The following FARP1 variants were observed in gnomAD, a reference collection of about 807,000 sequenced individuals.
FARP1 encodes the protein FERM, ARHGEF and pleckstrin domain-containing protein 1.
A neutral mutation model predicts 128.8 loss-of-function variants in FARP1; 52 were observed. The observed-to-expected ratio is 0.40, with a 90% CI of 0.32 to 0.51. The LOEUF is 0.51. FARP1 is among the 20% of genes least tolerant of loss of function. The pLI, the probability that FARP1 is intolerant of heterozygous loss-of-function variation, is 0.45. For synonymous variants in FARP1, 580 were observed against 551.8 expected, an observed-to-expected ratio of 1.05 and a Z score of -0.72; for missense variants, 1,333 against 1,367.9, an observed-to-expected ratio of 0.97 and a Z score of 0.40.
chr13:98,387,540 G>T (rs185702769), intron 8 of FARP1, among the ~76,000 whole-genome samples: 48 of 152,272 alleles, frequency 3.2e-4, no homozygotes, highest in Middle Eastern at 3.4e-3. Flanking sequence ...CTTCATTCTT[G>T]CCACGTTAAA....
At chr13:98,155,307 C>T (rs1264375512) in intron 1 of FARP1, among the ~76,000 whole-genome samples, 9 of 136,424 alleles carry the variant, frequency 6.6e-5, no homozygotes, top group Non-Finnish European at 1.1e-4. Context: ...ATCGCACCAT[C>T]GTACTCCAGC....
chr13:98,288,119 A>T (rs1885282238), intron 2 of FARP1, among the ~76,000 whole-genome samples: 1 of 152,140 alleles, frequency 6.6e-6, no homozygotes, highest in Non-Finnish European at 1.5e-5. Context: ...TCTTTTGATG[A>T]TAGGAATACA....
In FARP1 at chr13:98,452,616, A is replaced by T. The variant is rs561180680; in HGVS notation, c.*4299A>T. ...ACATGTAATAAAGGCAAGGCAATAG[A>T]CTCAAGTTATGGCCTGTCGAATATT... On this transcript the variant is annotated 3_prime_UTR_variant, in exon 27 of 27. Coordinates refer to ENST00000319562, the MANE Select transcript of FARP1 (RefSeq NM_005766.4). The T allele has an allele frequency of 6.5e-6, 1 of 152,792 alleles. No individual in the cohort carries two copies. The highest frequency in any genetic ancestry group is 1.9e-4 in the East Asian group (1 of 5,184). The allele number at this position is 152,792 out of a possible 1,614,324, so 9.5% of individuals were successfully genotyped here. A position where few individuals can be genotyped will look rare whatever the true frequency, so the allele number is the denominator to read the frequency against.
intron 1 of FARP1, among the ~76,000 whole-genome samples, chr13:98,187,290 A>G (rs1878941951): frequency 6.6e-6 from 1 of 152,190 alleles, no homozygotes. Context: ...TTCTTTCAAC[A>G]TATCTCATAT....
intron 2 of FARP1, among the ~76,000 whole-genome samples, chr13:98,284,273 G>C (rs1471369481): frequency 3.9e-5 from 6 of 152,108 alleles, no homozygotes; most frequent in Non-Finnish European, 8.8e-5. Flanking sequence ...GTGTGGCCCA[G>C]GGAAACCAAA....
chr13:98,194,432 T>A (rs1879439993), intron 1 of FARP1, among the ~76,000 whole-genome samples: 2 of 152,226 alleles, frequency 1.3e-5, no homozygotes, highest in Admixed American at 1.3e-4. Flanking sequence ...TTTTTAAAAT[T>A]TCTTTTCATA....
intron 1 of FARP1, among the ~76,000 whole-genome samples, chr13:98,174,843 G>A (rs138085427): frequency 1.0e-3 from 152 of 152,296 alleles, no homozygotes; most frequent in African/African-American, 3.4e-3. Context: ...CTGAGGCACA[G>A]AGAGGTAAAG....
intron 6 of FARP1, 80 bp from the exon 7 acceptor site, chr13:98,384,650 T>C: frequency 1.2e-6 from 1 of 823,484 alleles, no homozygotes; most frequent in South Asian, 1.5e-5. Context: ...TGCTAGCTTC[T>C]GTTTGGCTCA....
rs747423163 is a variant in FARP1 at position 98,437,824 on chromosome 13, G to A, written c.2275-980G>A. 11 of 1,597,660 alleles carry A rather than the reference G, an allele frequency of 6.9e-6. No individual in the cohort carries two copies. The Admixed American group carries it at 1.0e-4, about 15-fold the overall frequency. Reference sequence around the variant, plus strand: ...TTAGGACAAGCCAGGCGCATCCCATGTGCTCCAGAGAGGAGGCCATTGTTA... The same window carrying A: ...TTAGGACAAGCCAGGCGCATCCCATATGCTCCAGAGAGGAGGCCATTGTTA... On this transcript the variant is annotated intron_variant, in intron 19 of 26. Transcript: ENST00000319562.
At chr13:98,388,240 TC>T in intron 8 of FARP1, 142 bp from the exon 9 acceptor site, 2 of 634,718 alleles carry the variant, frequency 3.2e-6, no homozygotes, top group South Asian at 3.7e-5. Flanking sequence ...TAGCCACAGA[TC>T]CTGTGAGTTC....
chr13:98,275,416 A>G (rs928354571), intron 2 of FARP1, among the ~76,000 whole-genome samples: 4 of 151,074 alleles, frequency 2.6e-5, no homozygotes, highest in Admixed American at 2.6e-4. Context: ...TGTAGGTGAA[A>G]CAGGATTGGC....
chr13:98,331,404 C>T lies in FARP1; in HGVS notation c.172-12358C>T, dbSNP rs139596305. Among the ~76,000 whole-genome samples, 306 of 152,276 alleles carry T rather than the reference C, an allele frequency of 2.0e-3. 1 individual carries two copies. Among genetic ancestry groups the T allele is most frequent in the African/African-American group, 6.8e-3 (283 of 41,548 alleles). On this transcript the variant is annotated intron_variant, in intron 2 of 26. Coordinates refer to ENST00000319562, the MANE Select transcript of FARP1 (RefSeq NM_005766.4). ...TTTCCTCATTTGTGGATCATAGAGA[C>T]CCCATTTCCCACCTTTTTCCTCTTC...
At chr13:98,187,927 G>C (rs1878983976) in intron 1 of FARP1, among the ~76,000 whole-genome samples, 1 of 152,212 alleles carries the variant, frequency 6.6e-6, no homozygotes, top group African/African-American at 2.4e-5. Context: ...TCTTTGGGGA[G>C]TCAGTCAATC....
chr13:98,446,026 G>GGGA (rs1354200625), intron 24 of FARP1, 72 bp from the exon 25 acceptor site: 1 of 1,028,438 alleles, frequency 9.7e-7, no homozygotes, highest in East Asian at 2.4e-5. Flanking sequence ...CCCTGGTGCA[G>GGGA]GGAGAGCTGC....
At chr13:98,177,129 G>A (rs1407812476) in intron 1 of FARP1, 1 of 1,604,254 alleles carries the variant, frequency 6.2e-7, no homozygotes, top group Non-Finnish European at 8.5e-7. Flanking sequence ...CGCAGGCCGG[G>A]CGCTTTCTGA....
Position 98,200,672 on chromosome 13 carries a change from C to T in FARP1, c.-23-12548C>T, listed in dbSNP as rs148060037. Among the ~76,000 whole-genome samples, 308 of 152,208 alleles carry T rather than the reference C, an allele frequency of 2.0e-3. 1 individual carries two copies. The highest frequency in any genetic ancestry group is 6.9e-3 in the African/African-American group (287 of 41,534). On this transcript the variant is annotated intron_variant, in intron 1 of 26. Transcript: ENST00000319562. ...GTCAGGCTCCCAGGTAAGGGAGACC[C>T]CTGCCCTCGGGACTCCCTTGGAAAA... is the stretch of plus-strand genomic sequence containing the variant.
rs1482075853 is a variant in FARP1 at position 98,453,808 on chromosome 13, G to A, written c.*5491G>A. ...AACAGACTAAAAATGGTAATTATCT[G>A]TATTTACATATATATATTAAAGCAA... On this transcript the variant is annotated 3_prime_UTR_variant, in exon 27 of 27. Coordinates refer to ENST00000319562, the MANE Select transcript of FARP1 (RefSeq NM_005766.4). The A allele has an allele frequency of 7.1e-6, 1 of 141,110 alleles. No homozygotes were observed. Among genetic ancestry groups the A allele is most frequent in the African/African-American group, 2.6e-5 (1 of 39,134 alleles). The allele number at this position is 141,110 out of a possible 1,614,324, so 8.7% of individuals were successfully genotyped here.
chr13:98,366,242 C>T (rs1730591106), intron 4 of FARP1, among the ~76,000 whole-genome samples: 1 of 152,166 alleles, frequency 6.6e-6, no homozygotes, highest in Admixed American at 6.5e-5. Flanking sequence ...CCCCACTGGG[C>T]CACTTACAGC....
At chr13:98,372,834 C>T (rs796959968) in intron 5 of FARP1, among the ~76,000 whole-genome samples, 9 of 152,196 alleles carry the variant, frequency 5.9e-5, no homozygotes, top group African/African-American at 1.7e-4. Flanking sequence ...CCATTTTGAG[C>T]GCTTTATGTT....
Sources: allele counts gnomAD v4.1 joint callset (sites outside exome capture counted in the v4.1 genomes callset), GRCh38; gene constraint gnomAD v4.1.1; transcripts MANE v1.5; gene names NCBI Gene and HGNC (gene_info 2026-07-23, HGNC 2026-07-21).